The following MCTP1 variants were observed in gnomAD, a reference collection of about 807,000 sequenced individuals.
The protein encoded by MCTP1 is multiple C2 and transmembrane domain-containing protein 1.
MCTP1 carries 69 observed loss-of-function variants against 120.6 expected under a neutral mutation model. The observed-to-expected ratio is 0.57, with a 90% CI of 0.47 to 0.70. The LOEUF is 0.70. Ranked by LOEUF, MCTP1 falls within the 30% of genes least tolerant of loss-of-function variation. The pLI, the probability that MCTP1 is intolerant of heterozygous loss-of-function variation, is 0.00. For synonymous variants in MCTP1, 529 were observed against 493.1 expected (o/e 1.07, Z -0.96); for missense variants, 1,203 against 1,248.8 (o/e 0.96, Z 0.55).
rs535281572 is a variant in MCTP1 at position 94,830,061 on chromosome 5, T to C, written c.2437-30929A>G. 5.9e-5 allele frequency among the ~76,000 whole-genome samples: 9 copies of C among 152,366 alleles called. No individual in the cohort carries two copies. In the East Asian group the frequency reaches 1.7e-3, roughly 29 times the overall value. On this transcript the variant is annotated intron_variant, in intron 17 of 22. Transcript: ENST00000515393. ...AGGCAGCATTCGGGATGTTTCATGTTAATTCCCAAGAAAGAGTCTGGTATT... is the reference window on the plus strand; with the variant it reads ...AGGCAGCATTCGGGATGTTTCATGTCAATTCCCAAGAAAGAGTCTGGTATT...
chr5:95,033,761 A>G (rs924911217), intron 1 of MCTP1, among the ~76,000 whole-genome samples: 54 of 152,002 alleles, frequency 3.6e-4, no homozygotes, highest in Non-Finnish European at 7.4e-5. Flanking sequence ...TCCAAGTAGG[A>G]AAAAAAGGAA....
intron 1 of MCTP1, among the ~76,000 whole-genome samples, chr5:95,151,113 C>T (rs1304452167): frequency 2.2e-5 from 3 of 138,914 alleles, no homozygotes; most frequent in Non-Finnish European, 4.6e-5. Flanking sequence ...TACAGGTGTG[C>T]ACCACCACGC....
At chr5:95,195,362 CAA>C (rs1383787858) in intron 1 of MCTP1, among the ~76,000 whole-genome samples, 1 of 152,078 alleles carries the variant, frequency 6.6e-6, no homozygotes, top group African/African-American at 2.4e-5. Flanking sequence ...GTTCACTGTT[CAA>C]AAAGAGTGAG....
intron 19 of MCTP1, among the ~76,000 whole-genome samples, chr5:94,728,881 TTTTA>T (rs1672804904): frequency 6.6e-6 from 1 of 152,206 alleles, no homozygotes; most frequent in Admixed American, 6.5e-5. Flanking sequence ...AATTCATTTC[TTTTA>T]TTCATTTACT....
chr5:95,225,861 T>C (rs538540003), intron 1 of MCTP1, among the ~76,000 whole-genome samples: 1 of 152,202 alleles, frequency 6.6e-6, no homozygotes, highest in Non-Finnish European at 1.5e-5. Context: ...TATTTTAATG[T>C]AAATATGTAT....
intron 17 of MCTP1, among the ~76,000 whole-genome samples, chr5:94,845,530 CA>C (rs902110580): frequency 5.1e-5 from 2 of 39,412 alleles, no homozygotes; most frequent in African/African-American, 1.0e-4. Flanking sequence ...AGGACATGAA[CA>C]TTTTTTTTTG....
At chr5:95,117,469 C>G (rs895886183) in intron 1 of MCTP1, among the ~76,000 whole-genome samples, 5 of 149,918 alleles carry the variant, frequency 3.3e-5, no homozygotes, top group African/African-American at 1.2e-4. Context: ...AATGAGATAC[C>G]ATTTCATGCC....
intron 17 of MCTP1, among the ~76,000 whole-genome samples, chr5:94,801,014 T>G (rs1431064351): frequency 6.6e-6 from 1 of 152,062 alleles, no homozygotes; most frequent in Non-Finnish European, 1.5e-5. Context: ...TTATGATTAT[T>G]AAAATATATT....
intron 1 of MCTP1, among the ~76,000 whole-genome samples, chr5:95,277,795 T>C (rs1217200391): frequency 6.6e-6 from 1 of 152,194 alleles, no homozygotes; most frequent in African/African-American, 2.4e-5. Context: ...GTTGTAATTT[T>C]CCAAATTGGC....
intron 17 of MCTP1, among the ~76,000 whole-genome samples, chr5:94,822,384 T>G (rs898260995): frequency 6.6e-6 from 1 of 152,240 alleles, no homozygotes; most frequent in Non-Finnish European, 1.5e-5. Context: ...GCAAAGGGCA[T>G]GAACTCATTA....
chr5:94,966,840 T>C (rs35060882), intron 2 of MCTP1, among the ~76,000 whole-genome samples: 56,872 of 151,128 alleles, frequency 0.38, 10,835 homozygotes, highest in Middle Eastern at 0.43. Flanking sequence ...GGGCCCAAAC[T>C]CAATCTCAAA....
At chr5:95,086,550 G>A (rs887365909) in intron 1 of MCTP1, among the ~76,000 whole-genome samples, 3 of 152,172 alleles carry the variant, frequency 2.0e-5, no homozygotes, top group Non-Finnish European at 4.4e-5. Context: ...ATTTGAGGTA[G>A]TATGAACCTG....
In MCTP1 at chr5:94,924,618, T is replaced by G. The variant is rs185564384; in HGVS notation, c.1213-597A>C. On this transcript the variant is annotated intron_variant, in intron 6 of 22. Transcript: ENST00000515393. ...AGCAATGCAATGGATTCAAGTAGAA[T>G]AGTTTATTACTTAATCCTCAGACTT... Among the ~76,000 whole-genome samples the G allele has an allele frequency of 1.9e-3, 287 of 152,324 alleles. 6 individuals are homozygous for G. The highest frequency in any genetic ancestry group is 0.017 in the Admixed American group (263 of 15,296).
In MCTP1 at chr5:94,954,168, A is replaced by ACAAATATATATATG. The variant is rs1821852246; in HGVS notation, c.839-808_839-807insCATATATATATTTG. Among the ~76,000 whole-genome samples the ACAAATATATATATG allele has an allele frequency of 3.2e-5, 3 of 93,362 alleles. 1 individual carries two copies. In the South Asian group the frequency reaches 9.4e-4, roughly 29 times the overall value. The allele number at this position is 93,362 out of a possible 152,430, so 61.2% of individuals were successfully genotyped here. ...TATACATATATATATGCATATATATACATATATATATATGCATATATATAT... is the reference window on the plus strand; with the variant it reads ...TATACATATATATATGCATATATATACAAATATATATATGCATATATATATATGCATATATATAT... On this transcript the variant is annotated intron_variant, in intron 2 of 22. Transcript: ENST00000515393.
At chr5:94,849,924 C>A (rs1047435344) in intron 17 of MCTP1, among the ~76,000 whole-genome samples, 2 of 152,080 alleles carry the variant, frequency 1.3e-5, no homozygotes, top group South Asian at 4.1e-4. Context: ...GTCACAAAAA[C>A]AATGCTGGTC....
chr5:95,181,066 C>T (rs1352003853), intron 1 of MCTP1, among the ~76,000 whole-genome samples: 4 of 152,234 alleles, frequency 2.6e-5, no homozygotes, highest in Non-Finnish European at 5.9e-5. Context: ...AACTTGGCCT[C>T]CAGCCAGGAA....
At chr5:94,733,335 T>A (rs12515845) in intron 19 of MCTP1, among the ~76,000 whole-genome samples, 31 of 152,036 alleles carry the variant, frequency 2.0e-4, no homozygotes, top group African/African-American at 7.5e-4. Context: ...AAACCCATAC[T>A]AATGTAATAA....
intron 1 of MCTP1, chr5:95,081,378 T>A: frequency 3.9e-6 from 6 of 1,549,988 alleles, no homozygotes; most frequent in South Asian, 1.1e-5. Context: ...ACTGCCACAT[T>A]AATTTAAGGC....
Position 95,284,371 on chromosome 5 carries a change from C to T in MCTP1, c.205G>A (p.Ala69Thr). 6.3e-7 allele frequency: 1 copy of T among 1,595,686 alleles called. No homozygotes were observed. The highest frequency in any genetic ancestry group is 1.7e-4 in the Middle Eastern group (1 of 5,816). The part of the protein sequence containing the change: ...PPPVGTGNAP[A>T]RGSGAGSRWS... ...CTGCTGCCTGCACCACTCCCCCTGG[C>T]CGGTGCATTCCCTGTGCCCACCGGG... The change falls in exon 1 of 23, where the codon GCC (alanine) becomes ACC (threonine). Residue 69 changes from alanine to threonine, a missense_variant. Physicochemically the swap from Ala to Thr is moderately conservative, Grantham distance 58. Coordinates refer to ENST00000515393, the MANE Select transcript of MCTP1 (RefSeq NM_024717.7). The surrounding 1 kb of genome is among the most constrained non-coding windows in gnomAD (Gnocchi z 5.2).
Sources: gnomAD v4.1 joint callset for allele counts (sites outside exome capture counted in the v4.1 genomes callset) on GRCh38, gnomAD v4.1.1 for gene constraint, Gnocchi (gnomAD v3.1) non-coding constraint, MANE v1.5 for transcripts, NCBI Gene and HGNC (gene_info 2026-07-23, HGNC 2026-07-21) for gene names.